TAF3: variants seen among roughly 807,000 people sequenced by gnomAD.
TAF3 encodes the protein TATA-box binding protein associated factor 3.
In TAF3, 7 loss-of-function variants were observed where a neutral mutation model predicts 80.6. That is an observed-to-expected ratio of 0.09 (90% CI 0.05 to 0.16). TAF3 has a LOEUF of 0.16. Ranked by LOEUF, TAF3 falls within the 10% of genes least tolerant of loss-of-function variation. The probability of loss-of-function intolerance (pLI) is 1.00; values close to 1 mark genes in which losing one functional copy is unlikely to be tolerated. For missense variants in TAF3, 921 were observed against 1,140.2 expected (o/e 0.81, Z 2.77); for synonymous variants, 444 against 446.1 (o/e 1.00, Z 0.06).
At chr10:7,917,477 AT>A (rs1264890965) in intron 2 of TAF3, among the ~76,000 whole-genome samples, 2 of 152,178 alleles carry the variant, frequency 1.3e-5, no homozygotes, top group Non-Finnish European at 2.9e-5. Context: ...CGGCCGATGG[AT>A]TTGAGAGGGA....
At chr10:7,873,538 G>C in intron 2 of TAF3, among the ~76,000 whole-genome samples, 1 of 150,992 alleles carries the variant, frequency 6.6e-6, no homozygotes, top group Non-Finnish European at 1.5e-5. Context: ...TAGTTTAGTA[G>C]AACTGGAACA....
chr10:7,840,340 G>A (rs1209152499), intron 2 of TAF3, among the ~76,000 whole-genome samples: 1 of 151,940 alleles, frequency 6.6e-6, no homozygotes, highest in African/African-American at 2.4e-5. Context: ...TTTTGGTAGA[G>A]ATGGGGTTTC....
At chr10:7,887,841 A>T (rs1837423226) in intron 2 of TAF3, among the ~76,000 whole-genome samples, 2 of 152,104 alleles carry the variant, frequency 1.3e-5, no homozygotes, top group African/African-American at 4.8e-5. Context: ...CACCAAAACA[A>T]ATTATAGAAT....
rs906742504 is a variant in TAF3 at position 7,923,588 on chromosome 10, A to T, written c.410-40332A>T. Among the ~76,000 whole-genome samples, 28 of 144,606 alleles carry T rather than the reference A, an allele frequency of 1.9e-4. 1 individual carries two copies. The highest frequency in any genetic ancestry group is 5.2e-4 in the African/African-American group (21 of 40,132). 94.9% of individuals were successfully genotyped at this position (144,606 alleles called of 152,430 possible). ...TGCTGTATTTGCTGTATAGCAAAAA[A>T]ACAAAACAAAACAAAACAAAAAAAC... On this transcript the variant is annotated intron_variant, in intron 2 of 6. Transcript: ENST00000344293.
At chr10:7,877,007 C>A (rs1446837829) in intron 2 of TAF3, among the ~76,000 whole-genome samples, 3 of 150,158 alleles carry the variant, frequency 2.0e-5, no homozygotes, top group African/African-American at 7.3e-5. Flanking sequence ...TCAAATTGCC[C>A]ACTTTCCTAT....
At chr10:7,882,685 A>G (rs998012547) in intron 2 of TAF3, among the ~76,000 whole-genome samples, 1 of 152,232 alleles carries the variant, frequency 6.6e-6, no homozygotes, top group African/African-American at 2.4e-5. Context: ...AGTGAGCAGT[A>G]AGATCACTCC....
At chr10:7,846,155 C>T (rs1836969809) in intron 2 of TAF3, among the ~76,000 whole-genome samples, 1 of 152,056 alleles carries the variant, frequency 6.6e-6, no homozygotes, top group South Asian at 2.1e-4. Context: ...GATGGGGTTT[C>T]ACCGTGTTAG....
chr10:7,895,948 G>T (rs184344728), intron 2 of TAF3, among the ~76,000 whole-genome samples: 527 of 152,238 alleles, frequency 3.5e-3, no homozygotes, highest in South Asian at 5.0e-3. Flanking sequence ...CTGACCATGC[G>T]GGGGTGGAAA....
intron 3 of TAF3, among the ~76,000 whole-genome samples, chr10:7,971,456 T>G (rs1407995952): frequency 6.6e-6 from 1 of 151,580 alleles, no homozygotes; most frequent in Non-Finnish European, 1.5e-5. Flanking sequence ...TATGGTGTTT[T>G]TTTTTTTTTT....
intron 2 of TAF3, among the ~76,000 whole-genome samples, chr10:7,860,173 G>A (rs1292340051): frequency 6.6e-6 from 1 of 151,884 alleles, no homozygotes; most frequent in African/African-American, 2.4e-5. Context: ...TTGGGAGGCT[G>A]AAGTGGGAGG....
chr10:7,933,926 C>T (rs751201023), intron 2 of TAF3, among the ~76,000 whole-genome samples: 12 of 152,222 alleles, frequency 7.9e-5, no homozygotes, highest in Non-Finnish European at 1.6e-4. Flanking sequence ...ATCTCACAGT[C>T]ACTGCCTGGC....
intron 4 of TAF3, among the ~76,000 whole-genome samples, chr10:8,005,023 C>T (rs1164526614): frequency 1.3e-5 from 2 of 151,930 alleles, no homozygotes; most frequent in Admixed American, 6.6e-5. Flanking sequence ...TTGTTAAATC[C>T]CTCCTTTCAA....
chr10:7,976,572 G>A (rs1207796571), intron 3 of TAF3, among the ~76,000 whole-genome samples: 1 of 151,872 alleles, frequency 6.6e-6, no homozygotes, highest in Non-Finnish European at 1.5e-5. Flanking sequence ...CCGCCACCAC[G>A]CCCAGCTAAT....
At chr10:7,994,437 T>C (rs897377021) in intron 4 of TAF3, among the ~76,000 whole-genome samples, 31 of 152,184 alleles carry the variant, frequency 2.0e-4, no homozygotes, top group African/African-American at 7.2e-4. Flanking sequence ...AATAGATGGG[T>C]TTGAAAAGAA....
chr10:8,012,045 C>T (rs1832060983), intron 5 of TAF3, among the ~76,000 whole-genome samples: 1 of 152,106 alleles, frequency 6.6e-6, no homozygotes, highest in Non-Finnish European at 1.5e-5. Flanking sequence ...GGCAGGGTGA[C>T]ATGTGCCTGT....
At chr10:7,979,677 A>G (rs1224589214) in intron 4 of TAF3, among the ~76,000 whole-genome samples, 14 of 152,240 alleles carry the variant, frequency 9.2e-5, no homozygotes, top group Admixed American at 9.2e-4. Flanking sequence ...GAAAATCCTT[A>G]TAATGAACAA....
chr10:8,006,759 A>G (rs1251403474), intron 4 of TAF3, among the ~76,000 whole-genome samples: 4 of 152,222 alleles, frequency 2.6e-5, no homozygotes, highest in African/African-American at 7.2e-5. Context: ...AACTAGGACT[A>G]TGAGGAAGTG....
chr10:7,938,654 A>G (rs190855209), intron 2 of TAF3, among the ~76,000 whole-genome samples: 1 of 152,228 alleles, frequency 6.6e-6, no homozygotes, highest in African/African-American at 2.4e-5. Context: ...TCAAGCCAAG[A>G]TGCCTAGTAG....
At chr10:7,850,449 A>C (rs537728103) in intron 2 of TAF3, among the ~76,000 whole-genome samples, 1 of 152,242 alleles carries the variant, frequency 6.6e-6, no homozygotes, top group East Asian at 1.9e-4. Context: ...GCTGAGGTGG[A>C]CAGACCACTT....
Sources: gnomAD v4.1 joint callset for allele counts (sites outside exome capture counted in the v4.1 genomes callset) on GRCh38, gnomAD v4.1.1 for gene constraint, MANE v1.5 for transcripts, NCBI Gene and HGNC (gene_info 2026-07-23, HGNC 2026-07-21) for gene names.